Variants in C4orf50 observed in about 807,000 individuals in gnomAD.
The protein encoded by C4orf50 is chromosome 4 open reading frame 50.
Under a neutral mutation model 77.2 loss-of-function variants are expected in C4orf50, and 80 were observed. The observed-to-expected ratio is 1.04, with a 90% CI of 0.87 to 1.25. The LOEUF is 1.25. Ranked by LOEUF, C4orf50 falls within the 50% of genes most tolerant of loss-of-function variation. The pLI, the probability that C4orf50 is intolerant of heterozygous loss-of-function variation, is 0.00. For synonymous variants in C4orf50, 532 were observed against 465.3 expected (o/e 1.14, Z -1.84); for missense variants, 1,257 against 1,152.9 (o/e 1.09, Z -1.31).
Position 6,009,727 on chromosome 4 carries a change from G to A in C4orf50, c.427-1195C>T, listed in dbSNP as rs146357797. On this transcript the variant is annotated intron_variant, in intron 24 of 33. Coordinates refer to ENST00000531445, the Ensembl canonical transcript of C4orf50. The surrounding 1 kb of genome is among the most constrained non-coding windows in gnomAD (Gnocchi z 5.6). ...CCATTTGGTACATACAGGTGCAAAG[G>A]GCATGGAAAACTCGCTCAAGCACTC... Among the ~76,000 whole-genome samples the A allele has an allele frequency of 0.02, 2,993 of 152,214 alleles. 38 individuals are homozygous for A. The highest frequency in any genetic ancestry group is 0.032 in the Non-Finnish European group (2,202 of 68,008).
intron 31 of C4orf50, 145 bp downstream of exon 9, chr4:5,973,514 A>G (rs1300934664): frequency 2.8e-6 from 2 of 713,176 alleles, no homozygotes; most frequent in Non-Finnish European, 4.8e-6. Flanking sequence ...GGCACAGAGG[A>G]AAAGCCAGGG....
At chr4:5,937,915 A>G (rs577783178) in intron 7 of C4orf50, among the ~76,000 whole-genome samples, 1 of 152,328 alleles carries the variant, frequency 6.6e-6, no homozygotes, top group South Asian at 2.1e-4. Context: ...TTAATAATAT[A>G]GCCTCAAAAT....
intron 33 of C4orf50, among the ~76,000 whole-genome samples, chr4:5,964,496 A>G (rs6446417): frequency 0.67 from 101,645 of 151,954 alleles, 34,803 homozygotes; most frequent in African/African-American, 0.74. Flanking sequence ...CCAGCTGGGT[A>G]TGGTGGCTCA....
At chr4:5,971,476 A>G (rs905371903) in intron 31 of C4orf50, among the ~76,000 whole-genome samples, 1 of 150,694 alleles carries the variant, frequency 6.6e-6, no homozygotes, top group African/African-American at 2.4e-5. Flanking sequence ...TCTGAAACAC[A>G]TCACAATTTT....
chr4:5,950,226 A>T (rs1300583039), intron 7 of C4orf50, among the ~76,000 whole-genome samples: 1 of 152,174 alleles, frequency 6.6e-6, no homozygotes, highest in Non-Finnish European at 1.5e-5. Flanking sequence ...AAACTATAAA[A>T]CTGACAGGCC....
At chr4:5,965,619 T>C (rs1340376110) in intron 32 of C4orf50, among the ~76,000 whole-genome samples, 2 of 151,886 alleles carry the variant, frequency 1.3e-5, no homozygotes, top group Non-Finnish European at 2.9e-5. Context: ...GAGAGAAAAT[T>C]AGTGACAGAA....
chr4:5,998,707 G>T (rs56103545), intron 25 of C4orf50, among the ~76,000 whole-genome samples: 6,772 of 152,318 alleles, frequency 0.044, 178 homozygotes, highest in Middle Eastern at 0.078. Context: ...GCCCTCTGCC[G>T]TAGCATCACT....
chr4:5,964,640 C>T (rs1461116456), intron 33 of C4orf50, among the ~76,000 whole-genome samples: 13 of 151,788 alleles, frequency 8.6e-5, no homozygotes, highest in African/African-American at 1.2e-4. Flanking sequence ...TGGTGGTGGG[C>T]GCCTGTAATC....
At chr4:5,920,197 C>CATT (rs1466384862) in intron 7 of C4orf50, among the ~76,000 whole-genome samples, 1 of 152,176 alleles carries the variant, frequency 6.6e-6, no homozygotes, top group East Asian at 1.9e-4. Context: ...ACTCTATGTG[C>CATT]ATTAGTGTTT....
Position 5,905,194 on chromosome 4 carries a change from G to A in C4orf50, c.*2475-7006C>T, listed in dbSNP as rs1041064625. Reference sequence around the variant, plus strand: ...GACAGGTCCTTGGGACTCCAGACCCGGCTTCCTGTCACTCACATGGCATTA... The same window carrying A: ...GACAGGTCCTTGGGACTCCAGACCCAGCTTCCTGTCACTCACATGGCATTA... On this transcript the variant is annotated intron_variant, in intron 7 of 7. Transcript: ENST00000324058. The surrounding 1 kb of genome is among the most constrained non-coding windows in gnomAD (Gnocchi z 5.4). 4 of 152,198 alleles carry A rather than the reference G, an allele frequency of 2.6e-5. No homozygotes were observed. The highest frequency in any genetic ancestry group is 2.6e-4 in the Admixed American group (4 of 15,262). 9.4% of individuals were successfully genotyped at this position (152,198 alleles called of 1,614,324 possible).
At chr4:5,928,967 A>G (rs886702596) in intron 7 of C4orf50, among the ~76,000 whole-genome samples, 3 of 152,236 alleles carry the variant, frequency 2.0e-5, no homozygotes, top group Admixed American at 6.5e-5. Flanking sequence ...TCTTTGTAGC[A>G]GTGATTGCTA....
chr4:5,997,964 C>T (rs919855408), intron 25 of C4orf50, among the ~76,000 whole-genome samples: 5 of 152,286 alleles, frequency 3.3e-5, no homozygotes, highest in East Asian at 1.9e-4. Context: ...TGGGTTGTTA[C>T]GAATTTTTAC....
chr4:5,952,578 A>G (rs1036986770), downstream of C4orf50, among the ~76,000 whole-genome samples: 1 of 152,198 alleles, frequency 6.6e-6, no homozygotes, highest in Non-Finnish European at 1.5e-5. This position sits in a 1 kb window ranked among gnomAD's most constrained non-coding sequence, Gnocchi z 4.4. Flanking sequence ...GGGGACCTCC[A>G]TCTACTCCAC....
At chr4:6,004,184 G>A (rs1722063932) in intron 25 of C4orf50, among the ~76,000 whole-genome samples, 1 of 151,676 alleles carries the variant, frequency 6.6e-6, no homozygotes, top group Non-Finnish European at 1.5e-5. Context: ...TGATGATGGT[G>A]ATGGTGATGA....
chr4:5,928,713 C>T (rs1213315397), intron 7 of C4orf50, among the ~76,000 whole-genome samples: 1 of 152,122 alleles, frequency 6.6e-6, no homozygotes, highest in African/African-American at 2.4e-5. Flanking sequence ...CAGTGACTTC[C>T]GGCATACAGA....
chr4:5,951,888 G>A (rs555196372), intron 7 of C4orf50, among the ~76,000 whole-genome samples: 1 of 152,082 alleles, frequency 6.6e-6, no homozygotes, highest in African/African-American at 2.4e-5. Context: ...AGGGGGAGCT[G>A]GGTTCCAATC....
intron 7 of C4orf50, chr4:5,923,327 G>A (rs28645567): frequency 0.076 from 11,755 of 154,344 alleles, 915 homozygotes; most frequent in African/African-American, 0.2. Context: ...GACAGAAACA[G>A]TGATGGCAAT....
chr4:6,007,216 G>A lies in C4orf50; in HGVS notation c.963+780C>T, dbSNP rs554721197. Among the ~76,000 whole-genome samples, 4 of 152,240 alleles carry A rather than the reference G, an allele frequency of 2.6e-5. No individual in the cohort carries two copies. The East Asian group carries it at 7.7e-4, about 29-fold the overall frequency. On this transcript the variant is annotated intron_variant, in intron 25 of 33. Transcript: ENST00000531445. The surrounding 1 kb of genome is among the most constrained non-coding windows in gnomAD (Gnocchi z 4.1). ...GATAATGGAACGTGGCTAGACAAGT[G>A]GGTGGGTGAGTGCTGGGGTCTGAAT...
At chr4:5,917,042 G>A (rs1717057209) in intron 7 of C4orf50, among the ~76,000 whole-genome samples, 1 of 152,184 alleles carries the variant, frequency 6.6e-6, no homozygotes, top group African/African-American at 2.4e-5. Context: ...CAGGAAAGTG[G>A]ATCCAAGATT....
Sources: allele counts gnomAD v4.1 joint callset (sites outside exome capture counted in the v4.1 genomes callset), GRCh38; gene constraint gnomAD v4.1.1; non-coding constraint Gnocchi (gnomAD v3.1); transcripts MANE v1.5; gene names NCBI Gene and HGNC (gene_info 2026-07-23, HGNC 2026-07-21).